Variants in JPH2 observed in about 807,000 individuals in gnomAD.
The protein encoded by JPH2 is junctophilin 2, also known as junctophilin-2.
A neutral mutation model predicts 55.9 loss-of-function variants in JPH2; 38 were observed. That is an observed-to-expected ratio of 0.68 (90% CI 0.52 to 0.89). JPH2 has a LOEUF of 0.89. Ranked by LOEUF, JPH2 falls within the 40% of genes least tolerant of loss-of-function variation. The pLI, the probability that JPH2 is intolerant of heterozygous loss-of-function variation, is 0.00. For missense variants in JPH2, 964 were observed against 1,037.6 expected, an observed-to-expected ratio of 0.93 and a Z score of 0.97; for synonymous variants, 480 against 472.4, an observed-to-expected ratio of 1.02 and a Z score of -0.21.
At chr20:44,127,436 C>T (rs920449112) in intron 2 of JPH2, among the ~76,000 whole-genome samples, 4 of 151,812 alleles carry the variant, frequency 2.6e-5, no homozygotes, top group Admixed American at 2.0e-4. Flanking sequence ...ATTGGTAATA[C>T]ACGAGAGTTC....
intron 2 of JPH2, among the ~76,000 whole-genome samples, chr20:44,155,809 G>A (rs528507873): frequency 9.8e-5 from 15 of 152,312 alleles, no homozygotes; most frequent in East Asian, 1.9e-4. Context: ...GCCAAAGCAA[G>A]AGGATCACTT....
intron 2 of JPH2, among the ~76,000 whole-genome samples, chr20:44,142,497 C>T (rs2072464954): frequency 6.6e-6 from 1 of 152,282 alleles, no homozygotes. Flanking sequence ...CACATGCCCA[C>T]CTCAGAGCCT....
intron 2 of JPH2, among the ~76,000 whole-genome samples, chr20:44,148,597 C>T (rs2867796): frequency 0.12 from 18,716 of 152,190 alleles, 1,366 homozygotes; most frequent in Admixed American, 0.24. Context: ...GAAGGCGACC[C>T]GAGCTGCCGC....
At chr20:44,172,258 C>G (rs1049681882) in intron 1 of JPH2, among the ~76,000 whole-genome samples, 6 of 152,054 alleles carry the variant, frequency 3.9e-5, no homozygotes, top group Admixed American at 3.3e-4. Flanking sequence ...GCTGATCACC[C>G]TAAATTGGGG....
At chr20:44,185,583 C>T (rs1376402284) in intron 1 of JPH2, among the ~76,000 whole-genome samples, 3 of 151,098 alleles carry the variant, frequency 2.0e-5, no homozygotes, top group African/African-American at 2.4e-5. Context: ...TGCAAAGAGC[C>T]GAGATCATGC....
chr20:44,151,617 G>GTA (rs1051427739), intron 2 of JPH2, among the ~76,000 whole-genome samples: 2 of 152,304 alleles, frequency 1.3e-5, no homozygotes, highest in African/African-American at 4.8e-5. Context: ...CCCCAAGAGG[G>GTA]CTTGCAGAGA....
chr20:44,135,134 C>A (rs935959274), intron 2 of JPH2, among the ~76,000 whole-genome samples: 1 of 151,288 alleles, frequency 6.6e-6, no homozygotes, highest in Non-Finnish European at 1.5e-5. Context: ...AGATGCTAAC[C>A]CCGGATGTAA....
At chr20:44,162,811 C>CAT (rs2072624531) in intron 1 of JPH2, among the ~76,000 whole-genome samples, 1 of 129,990 alleles carries the variant, frequency 7.7e-6, no homozygotes, top group Admixed American at 8.1e-5. Flanking sequence ...CACACACACA[C>CAT]ACACACACAC....
intron 1 of JPH2, among the ~76,000 whole-genome samples, chr20:44,161,199 CAG>C (rs1308790935): frequency 6.6e-6 from 1 of 152,092 alleles, no homozygotes; most frequent in African/African-American, 2.4e-5. Flanking sequence ...GCAAGGCTAT[CAG>C]AGTGCCAAAG....
At chr20:44,156,801 T>A (rs546434385) in intron 2 of JPH2, among the ~76,000 whole-genome samples, 1 of 152,332 alleles carries the variant, frequency 6.6e-6, no homozygotes, top group East Asian at 1.9e-4. Flanking sequence ...AATTTCGACA[T>A]GAGTTTTGGA....
intron 1 of JPH2, among the ~76,000 whole-genome samples, chr20:44,170,211 T>C (rs192809271): frequency 6.6e-6 from 1 of 152,282 alleles, no homozygotes; most frequent in East Asian, 1.9e-4. Flanking sequence ...CTCAGCCTTG[T>C]CTTCCCAAAT....
chr20:44,118,754 G>A (rs894360273), intron 2 of JPH2, 131 bp from the exon 3 acceptor site: 5 of 759,064 alleles, frequency 6.6e-6, no homozygotes, highest in Admixed American at 1.9e-5. Context: ...AATATTTATT[G>A]AGCCTCATGG....
At chr20:44,126,906 T>C (rs544626817) in intron 2 of JPH2, among the ~76,000 whole-genome samples, 1 of 152,286 alleles carries the variant, frequency 6.6e-6, no homozygotes, top group Admixed American at 6.5e-5. Flanking sequence ...TTTCTTCAAC[T>C]CTGAAATGGG....
intron 2 of JPH2, among the ~76,000 whole-genome samples, chr20:44,154,680 C>T (rs1462861656): frequency 6.6e-6 from 1 of 152,220 alleles, no homozygotes; most frequent in Non-Finnish European, 1.5e-5. Flanking sequence ...TGTGAAGAGG[C>T]TGTGGCTGCT....
intron 1 of JPH2, among the ~76,000 whole-genome samples, chr20:44,183,767 C>T (rs2072806793): frequency 6.6e-6 from 1 of 152,170 alleles, no homozygotes; most frequent in Non-Finnish European, 1.5e-5. Context: ...CTTTCCAATG[C>T]AGCTCATTAG....
chr20:44,115,856 G>A lies in JPH2; in HGVS notation c.1819C>T (p.Pro607Ser). 1 of 1,590,510 alleles carries A rather than the reference G, an allele frequency of 6.3e-7. No homozygotes were observed. The highest frequency in any genetic ancestry group is 8.5e-7 in the Non-Finnish European group (1 of 1,173,760). ...SSPATAPLQA[P>S]TLRGPEPARE... Reference sequence around the variant, plus strand: ...GCAGGCTCGGGGCCTCGGAGCGTGGGGGCCTGCAGCGGGGCGGTGGCCGGG... The same window carrying A: ...GCAGGCTCGGGGCCTCGGAGCGTGGAGGCCTGCAGCGGGGCGGTGGCCGGG... The change falls in exon 4 of 6, where the codon CCC (proline) becomes TCC (serine). Residue 607 changes from proline to serine, a missense_variant. Coordinates refer to ENST00000372980, the MANE Select transcript of JPH2 (RefSeq NM_020433.5).
chr20:44,114,752 C>A (rs1222031053), intron 5 of JPH2, 30 bp downstream of exon 5: 6 of 1,536,256 alleles, frequency 3.9e-6, no homozygotes, highest in African/African-American at 1.4e-5. Context: ...CTCCTGCCCC[C>A]CAACCCCTCC....
At chr20:44,164,492 AAACT>A (rs1328351350) in intron 1 of JPH2, among the ~76,000 whole-genome samples, 1 of 152,236 alleles carries the variant, frequency 6.6e-6, no homozygotes, top group Non-Finnish European at 1.5e-5. Flanking sequence ...GTACATGGAT[AAACT>A]AACACAGTGA....
intron 1 of JPH2, among the ~76,000 whole-genome samples, chr20:44,164,827 CTTT>C (rs71195523): frequency 2.0e-4 from 27 of 133,416 alleles, no homozygotes; most frequent in African/African-American, 3.9e-4. Flanking sequence ...TGTTCTGCAC[CTTT>C]TTTTTTTTTT....
Sources: allele counts gnomAD v4.1 joint callset (sites outside exome capture counted in the v4.1 genomes callset), GRCh38; gene constraint gnomAD v4.1.1; transcripts MANE v1.5; gene names NCBI Gene and HGNC (gene_info 2026-07-23, HGNC 2026-07-21).